The following DAW1 variants were observed in gnomAD, a reference collection of about 807,000 sequenced individuals.
The protein encoded by DAW1 is dynein assembly factor with WD repeat domains 1.
A neutral mutation model predicts 56.5 loss-of-function variants in DAW1; 47 were observed. The observed-to-expected ratio is 0.83, with a 90% CI of 0.66 to 1.06. The LOEUF (loss-of-function observed/expected upper bound fraction) is 1.06, where lower values mean the gene tolerates loss of function less well. DAW1 is among the 50% of genes least tolerant of loss of function. The probability of loss-of-function intolerance (pLI) is 0.00; values close to 1 mark genes in which losing one functional copy is unlikely to be tolerated. For missense variants in DAW1, 505 were observed against 499.3 expected, an observed-to-expected ratio of 1.01 and a Z score of -0.11; for synonymous variants, 190 against 179.0, an observed-to-expected ratio of 1.06 and a Z score of -0.49.
At chr2:227,911,479 T>G (rs957400370) in intron 10 of DAW1, among the ~76,000 whole-genome samples, 1 of 151,264 alleles carries the variant, frequency 6.6e-6, no homozygotes, top group African/African-American at 2.4e-5. Context: ...TATGACATAC[T>G]GTGTGTTTGC....
intron 10 of DAW1, among the ~76,000 whole-genome samples, chr2:227,908,275 A>T (rs554603948): frequency 1.3e-5 from 2 of 152,334 alleles, no homozygotes; most frequent in Middle Eastern, 3.4e-3. Flanking sequence ...ACCACATTTG[A>T]TGCTGGGCCA....
intron 4 of DAW1, among the ~76,000 whole-genome samples, chr2:227,892,604 G>A (rs10933226): frequency 0.53 from 80,816 of 151,966 alleles, 21,758 homozygotes; most frequent in Admixed American, 0.62. Flanking sequence ...GTTTGCATCT[G>A]TCCAAAGGTA....
intron 10 of DAW1, among the ~76,000 whole-genome samples, chr2:227,917,879 A>G (rs1166783621): frequency 6.6e-6 from 1 of 152,146 alleles, no homozygotes; most frequent in African/African-American, 2.4e-5. Context: ...ATTTATTATG[A>G]TATTTTACTT....
chr2:227,881,064 A>T (rs540513146), intron 1 of DAW1, among the ~76,000 whole-genome samples: 6 of 152,214 alleles, frequency 3.9e-5, no homozygotes, highest in Non-Finnish European at 8.8e-5. Flanking sequence ...TTGGAAAAAG[A>T]GAAAGAAGAG....
intron 10 of DAW1, among the ~76,000 whole-genome samples, chr2:227,910,267 C>T (rs1002550010): frequency 1.4e-3 from 208 of 152,068 alleles, no homozygotes; most frequent in African/African-American, 4.6e-3. Flanking sequence ...GCCTGGGCAA[C>T]ATAGTGAGAC....
At chr2:227,905,062 T>C in intron 8 of DAW1, 27 bp downstream of exon 8, 1 of 1,595,266 alleles carries the variant, frequency 6.3e-7, no homozygotes, top group Non-Finnish European at 8.6e-7. Context: ...AAGAATTGTT[T>C]TAACCTGGAT....
chr2:227,904,934 T>G lies in DAW1; in HGVS notation c.654T>G (p.His218Gln), dbSNP rs945817100. 6.8e-6 allele frequency: 11 copies of G among 1,612,484 alleles called. No homozygotes were observed. Among genetic ancestry groups the G allele is most frequent in the Admixed American group, 3.3e-5 (2 of 59,832 alleles). ...AGTATCTGCTCTTTTTCTAGGGACA[T>G]TCTGCCGAAATCATCTCCTTGTCAT... ...NGEEVYTLRG[H>Q]SAEIISLSFN... The change falls in exon 8 of 13, where the codon CAT becomes CAG. Residue 218 changes from histidine (H) to glutamine (Q), a missense_variant. His to Gln is a conservative substitution (Grantham distance 24). Transcript: ENST00000309931.
chr2:227,921,332 T>TGTTTTAA, intron 11 of DAW1, 67 bp from the exon 12 acceptor site: 1 of 196,974 alleles, frequency 5.1e-6, no homozygotes, highest in Non-Finnish European at 8.6e-6. Context: ...TTTTTTTTTT[T>TGTTTTAA]TGCTGATAAG....
At chr2:227,902,585 G>A (rs756223723) in intron 6 of DAW1, among the ~76,000 whole-genome samples, 11 of 152,208 alleles carry the variant, frequency 7.2e-5, no homozygotes, top group South Asian at 2.1e-4. Flanking sequence ...GATTGCCCAC[G>A]TGAAGGCCAC....
At chr2:227,921,279 A>G (rs1692100130) in intron 11 of DAW1, 120 bp from the exon 12 acceptor site, 1 of 1,061,522 alleles carries the variant, frequency 9.4e-7, no homozygotes, top group South Asian at 1.8e-5. Context: ...ATACCAGACT[A>G]GGAAGGTGAC....
At chr2:227,882,523 A>G (rs1691034744) in intron 1 of DAW1, among the ~76,000 whole-genome samples, 1 of 152,250 alleles carries the variant, frequency 6.6e-6, no homozygotes, top group East Asian at 1.9e-4. Flanking sequence ...GTAGCAAAAT[A>G]TTAACATAGG....
chr2:227,914,339 T>C (rs886917110), intron 10 of DAW1, among the ~76,000 whole-genome samples: 3 of 152,098 alleles, frequency 2.0e-5, no homozygotes, highest in Admixed American at 2.0e-4. Flanking sequence ...ATATGCACCA[T>C]CTCCTTGATA....
At chr2:227,892,729 C>A (rs890695396) in intron 4 of DAW1, among the ~76,000 whole-genome samples, 3 of 152,086 alleles carry the variant, frequency 2.0e-5, no homozygotes, top group Admixed American at 1.3e-4. Context: ...TTTTCTTCAC[C>A]TTTTCTTGTT....
intron 3 of DAW1, 146 bp downstream of exon 3, chr2:227,890,146 T>C: frequency 2.5e-6 from 2 of 785,362 alleles, no homozygotes; most frequent in Non-Finnish European, 1.9e-6. Flanking sequence ...GCTAAGATTG[T>C]CCCAATAATT....
In DAW1 at chr2:227,889,916, A is replaced by G. The variant is rs767360829; in HGVS notation, c.174A>G (p.Ser58=). Residue 58 remains serine (S), a synonymous_variant, in exon 3 of 13, where the codon TCA becomes TCG. Transcript: ENST00000309931. ...IQKAEPLLTA[S]RTEQVKLLIQ... The stretch of plus-strand genomic sequence containing the variant: ...AGGCAGAACCTCTACTCACAGCTTC[A>G]CGAACAGAGCAAGTCAAACTTTTGA... 6.2e-7 allele frequency: 1 copy of G among 1,611,156 alleles called. No homozygotes were observed. The highest frequency in any genetic ancestry group is 1.3e-5 in the African/African-American group (1 of 74,864).
chr2:227,920,306 G>A (rs1692073903), intron 11 of DAW1, among the ~76,000 whole-genome samples: 1 of 152,180 alleles, frequency 6.6e-6, no homozygotes, highest in Admixed American at 6.5e-5. Context: ...CTTTTAGAGA[G>A]TGTCCACTGT....
chr2:227,906,013 A>C (rs892935288), intron 8 of DAW1, among the ~76,000 whole-genome samples: 1 of 152,154 alleles, frequency 6.6e-6, no homozygotes, highest in African/African-American at 2.4e-5. Context: ...CCTCGGCCTC[A>C]CAGAGTGCTG....
intron 10 of DAW1, chr2:227,912,595 T>C: frequency 8.5e-7 from 1 of 1,177,822 alleles, no homozygotes. Flanking sequence ...ATCTCAGTGA[T>C]GACCGCCTAT....
intron 10 of DAW1, among the ~76,000 whole-genome samples, chr2:227,909,956 A>C (rs1193361558): frequency 1.3e-5 from 2 of 152,102 alleles, no homozygotes. Context: ...TAACCATCAC[A>C]ATGCCGCACT....
Sources: gnomAD v4.1 joint callset for allele counts (sites outside exome capture counted in the v4.1 genomes callset) on GRCh38, gnomAD v4.1.1 for gene constraint, MANE v1.5 for transcripts, NCBI Gene and HGNC (gene_info 2026-07-23, HGNC 2026-07-21) for gene names.